DHX40: variants seen among roughly 807,000 people sequenced by gnomAD.
DHX40 encodes the protein DEAH-box helicase 40.
DHX40 carries 28 observed loss-of-function variants against 89.6 expected under a neutral mutation model. That is an observed-to-expected ratio of 0.31 (90% CI 0.23 to 0.43). The LOEUF (loss-of-function observed/expected upper bound fraction) is 0.43. DHX40 is among the 20% of genes least tolerant of loss of function. The pLI is 1.00. For synonymous variants in DHX40, 226 were observed against 283.6 expected, an observed-to-expected ratio of 0.80 and a Z score of 2.04; for missense variants, 457 against 844.0, an observed-to-expected ratio of 0.54 and a Z score of 5.68.
chr17:59,605,356 A>T, intron 16 of DHX40, 90 bp from the exon 17 acceptor site: 1 of 1,386,368 alleles, frequency 7.2e-7, no homozygotes, highest in Non-Finnish European at 9.9e-7. Flanking sequence ...GATAGGAATT[A>T]ATTGAGAAGG....
intron 12 of DHX40, among the ~76,000 whole-genome samples, chr17:59,597,857 C>G (rs1282749742): frequency 5.3e-5 from 8 of 151,026 alleles, no homozygotes; most frequent in Non-Finnish European, 8.9e-5. Flanking sequence ...ATGGTGTGAA[C>G]CCGGGAGGCG....
Position 59,599,439 on chromosome 17 carries a change from C to T in DHX40, c.1762C>T (p.Arg588Cys), listed in dbSNP as rs200066612. 4.4e-6 allele frequency: 7 copies of T among 1,607,302 alleles called. No individual in the cohort carries two copies. The South Asian group carries it at 4.4e-5, about 10-fold the overall frequency. ...TTGGAGGTGCTTATTTTCTGCATTT[C>T]GTGTGGAAGCTCAACTTCGAGAACT... ...IHWRCLFSAF[R>C]VEAQLRELIR... The change falls in exon 14 of 18, where the codon CGT becomes TGT. Residue 588 changes from arginine (R) to cysteine (C), a missense_variant. Physicochemically the swap from Arg to Cys is radical, Grantham distance 180. Transcript: ENST00000251241.
At chr17:59,572,213 TG>T (rs2143218180) in intron 3 of DHX40, among the ~76,000 whole-genome samples, 1 of 152,350 alleles carries the variant, frequency 6.6e-6, no homozygotes, top group East Asian at 1.9e-4. Context: ...TGTTCCCTAA[TG>T]GGAATGGCCA....
chr17:59,577,947 G>C (rs2523380), intron 8 of DHX40, among the ~76,000 whole-genome samples: 1 of 152,088 alleles, frequency 6.6e-6, no homozygotes, highest in Non-Finnish European at 1.5e-5. Context: ...TGTATATCCA[G>C]TGTTTATCTG....
At chr17:59,576,549 T>A (rs930711139) in intron 7 of DHX40, among the ~76,000 whole-genome samples, 3 of 152,140 alleles carry the variant, frequency 2.0e-5, no homozygotes, top group Non-Finnish European at 2.9e-5. Context: ...AGAACATAGA[T>A]GTGCTATTTT....
chr17:59,575,160 T>G (rs1176113073), intron 6 of DHX40, among the ~76,000 whole-genome samples, 180 bp from the exon 7 acceptor site: 1 of 152,070 alleles, frequency 6.6e-6, no homozygotes, highest in Non-Finnish European at 1.5e-5. Context: ...AACTGATGTT[T>G]CTTCTACTTC....
rs959657509 is a variant in DHX40, at chr17:59,585,536, A to G, written c.1344-617A>G. Among the ~76,000 whole-genome samples the G allele has an allele frequency of 1.1e-4, 17 of 151,238 alleles. No homozygotes were observed. The Middle Eastern group carries it at 0.014, about 121-fold the overall frequency. On this transcript the variant is annotated intron_variant, in intron 10 of 17. Coordinates refer to ENST00000251241, the MANE Select transcript of DHX40 (RefSeq NM_024612.5). ...ACAGGAGTTCAAGACCAGCCTGGGC[A>G]ACATGGTGAAACCCTGTCTCTACTA... is the stretch of plus-strand genomic sequence containing the variant.
chr17:59,590,459 T>A (rs1158512173), intron 12 of DHX40, among the ~76,000 whole-genome samples: 2 of 151,314 alleles, frequency 1.3e-5, no homozygotes, highest in African/African-American at 2.4e-5. Flanking sequence ...CTTTTTTTTT[T>A]AATTTAAAAA....
intron 12 of DHX40, among the ~76,000 whole-genome samples, chr17:59,596,768 G>A (rs1158463233): frequency 2.6e-5 from 4 of 152,122 alleles, no homozygotes; most frequent in African/African-American, 9.7e-5. Context: ...CTTAAAGCAT[G>A]GGATAGAAGA....
intron 1 of DHX40, 107 bp from the exon 2 acceptor site, chr17:59,566,520 C>G (rs184687100): frequency 9.1e-7 from 1 of 1,099,094 alleles, no homozygotes; most frequent in East Asian, 2.9e-5. Context: ...CATGGATGAT[C>G]CCGTCCAGCC....
chr17:59,568,125 G>A (rs1018200404), intron 2 of DHX40, among the ~76,000 whole-genome samples: 8 of 152,150 alleles, frequency 5.3e-5, no homozygotes, highest in Admixed American at 2.0e-4. Flanking sequence ...CTACTTGGGA[G>A]GCTGAGGCGG....
intron 12 of DHX40, among the ~76,000 whole-genome samples, chr17:59,591,709 C>T (rs1311821620): frequency 2.0e-5 from 3 of 151,582 alleles, no homozygotes; most frequent in African/African-American, 4.8e-5. Flanking sequence ...CTCTGTCTCC[C>T]TCTATATATG....
At chr17:59,600,495 C>A (rs985785010) in intron 14 of DHX40, among the ~76,000 whole-genome samples, 1 of 150,586 alleles carries the variant, frequency 6.6e-6, no homozygotes, top group Non-Finnish European at 1.5e-5. Context: ...ATCTTTTACT[C>A]CTCATGATTA....
chr17:59,597,901 C>G lies in DHX40; in HGVS notation c.1583-836C>G, dbSNP rs565696629. ...AGTGAGCCGAGATCGCGCCACTACACTCCAGTCTGGGCGATAGAGCGAGAC... is the reference window on the plus strand; with the variant it reads ...AGTGAGCCGAGATCGCGCCACTACAGTCCAGTCTGGGCGATAGAGCGAGAC... On this transcript the variant is annotated intron_variant, in intron 12 of 17. Coordinates refer to ENST00000251241, the MANE Select transcript of DHX40 (RefSeq NM_024612.5). Among the ~76,000 whole-genome samples, 30 of 150,030 alleles carry G rather than the reference C, an allele frequency of 2.0e-4. 1 individual carries two copies. The highest frequency in any genetic ancestry group is 3.7e-4 in the Non-Finnish European group (25 of 67,652).
Position 59,598,132 on chromosome 17 carries a change from G to T in DHX40, c.1583-605G>T, listed in dbSNP as rs2030227227. 2.6e-5 allele frequency among the ~76,000 whole-genome samples: 4 copies of T among 152,020 alleles called. No homozygotes were observed. In the South Asian group the frequency reaches 6.2e-4, roughly 24 times the overall value. ...TCCACTTGCCTTGGCCTTTGAAATT[G>T]CTGGGATTACAGGTGTGAGCTACCA... is the stretch of plus-strand genomic sequence containing the variant. On this transcript the variant is annotated intron_variant, in intron 12 of 17. Coordinates refer to ENST00000251241, the MANE Select transcript of DHX40 (RefSeq NM_024612.5).
At chr17:59,578,055 T>G (rs1465476551) in intron 8 of DHX40, among the ~76,000 whole-genome samples, 1 of 152,188 alleles carries the variant, frequency 6.6e-6, no homozygotes, top group African/African-American at 2.4e-5. Flanking sequence ...ATCAAATTTT[T>G]GGGTAAATTT....
At position 59,573,880 on chromosome 17, in the gene DHX40, T is replaced by C; in HGVS notation, c.687T>C (p.Asp229=). 1 of 1,611,914 alleles carries C rather than the reference T, an allele frequency of 6.2e-7. No individual in the cohort carries two copies. The highest frequency in any genetic ancestry group is 8.5e-7 in the Non-Finnish European group (1 of 1,179,216). Residue 229 remains aspartate (D), a synonymous_variant, in exon 5 of 18, where the codon GAT becomes GAC. Transcript: ENST00000251241. ...TCTTTGGAAATTGTCCAATATTTGA[T>C]ATACCTGGAAGGCTTTATCCAGTCA... The part of the protein sequence containing the change: ...SAFFGNCPIF[D]IPGRLYPVRE...
At chr17:59,592,749 TG>T (rs1302110091) in intron 12 of DHX40, among the ~76,000 whole-genome samples, 1 of 101,122 alleles carries the variant, frequency 9.9e-6, no homozygotes, top group Admixed American at 1.0e-4. Flanking sequence ...AGCTAATTTT[TG>T]TATTTTCAGT....
intron 3 of DHX40, among the ~76,000 whole-genome samples, chr17:59,572,505 A>G (rs2048824341): frequency 6.6e-6 from 1 of 152,042 alleles, no homozygotes; most frequent in Non-Finnish European, 1.5e-5. Flanking sequence ...CAGCCTCCCA[A>G]GTAGCTGGGA....
Sources: gnomAD v4.1 joint callset for allele counts (sites outside exome capture counted in the v4.1 genomes callset) on GRCh38, gnomAD v4.1.1 for gene constraint, MANE v1.5 for transcripts, NCBI Gene and HGNC (gene_info 2026-07-23, HGNC 2026-07-21) for gene names.